The following STK3 variants were observed in gnomAD, a reference collection of about 807,000 sequenced individuals.
STK3 encodes the protein serine/threonine-protein kinase 3.
Under a neutral mutation model 58.0 loss-of-function variants are expected in STK3, and 41 were observed. That is an observed-to-expected ratio of 0.71 (90% CI 0.55 to 0.92). STK3 has a LOEUF of 0.92. STK3 is among the 40% of genes least tolerant of loss of function. The pLI is 0.00. For synonymous variants in STK3, 170 were observed against 191.0 expected, an observed-to-expected ratio of 0.89 and a Z score of 0.91; for missense variants, 479 against 602.7, an observed-to-expected ratio of 0.79 and a Z score of 2.15.
intron 4 of STK3, among the ~76,000 whole-genome samples, chr8:98,743,878 C>G (rs1389287312): frequency 2.0e-5 from 3 of 152,076 alleles, no homozygotes; most frequent in Non-Finnish European, 1.5e-5. Flanking sequence ...TGAACTCAAA[C>G]AAATTTACAA....
intron 6 of STK3, among the ~76,000 whole-genome samples, chr8:98,653,046 A>G (rs1015227094): frequency 6.6e-6 from 1 of 152,164 alleles, no homozygotes; most frequent in African/African-American, 2.4e-5. Context: ...TCAGCACCAC[A>G]CCACACCTAT....
chr8:98,747,245 A>T (rs1427410442), intron 4 of STK3, among the ~76,000 whole-genome samples: 2 of 152,198 alleles, frequency 1.3e-5, no homozygotes, highest in African/African-American at 4.8e-5. Context: ...ATACAAAATA[A>T]GAATAACAAT....
chr8:98,378,458 G>A (rs1183139655), intron 2 of STK3, among the ~76,000 whole-genome samples: 1 of 152,202 alleles, frequency 6.6e-6, no homozygotes, highest in East Asian at 1.9e-4. Context: ...TACTGTAACT[G>A]TGCTGCTTAC....
intron 3 of STK3, chr8:98,413,263 C>T: frequency 5.3e-6 from 2 of 375,214 alleles, no homozygotes; most frequent in South Asian, 4.4e-5. Context: ...GATCCACCTG[C>T]CTTGGCTTCC....
chr8:98,510,379 T>A (rs1421199349), intron 10 of STK3, among the ~76,000 whole-genome samples: 1 of 152,006 alleles, frequency 6.6e-6, no homozygotes, highest in East Asian at 1.9e-4. Flanking sequence ...TTACAAAATT[T>A]TTACCAGGCC....
intron 4 of STK3, among the ~76,000 whole-genome samples, chr8:98,720,750 CAAAAAAAAAAAAAA>C (rs35529460): frequency 1.1e-5 from 1 of 94,770 alleles, no homozygotes; most frequent in African/African-American, 4.0e-5. Flanking sequence ...GACTCCGTCT[CAAAAAAAAAAAAAA>C]AAAAAGAAAA....
chr8:98,415,648 T>C (rs1818107235), intron 3 of STK3, among the ~76,000 whole-genome samples: 1 of 152,188 alleles, frequency 6.6e-6, no homozygotes, highest in Non-Finnish European at 1.5e-5. Context: ...TACCCTGAAA[T>C]GTGGGTAAAT....
At chr8:98,683,456 T>C (rs1363373573) in intron 6 of STK3, among the ~76,000 whole-genome samples, 4 of 152,026 alleles carry the variant, frequency 2.6e-5, no homozygotes, top group Non-Finnish European at 5.9e-5. Flanking sequence ...AAGCACATAT[T>C]CAACAAAAAT....
intron 3 of STK3, among the ~76,000 whole-genome samples, chr8:98,852,169 C>T (rs556632937): frequency 2.1e-4 from 31 of 150,106 alleles, no homozygotes; most frequent in African/African-American, 7.1e-4. Context: ...CAGAGTTTTG[C>T]TCTTGTTGCC....
intron 4 of STK3, among the ~76,000 whole-genome samples, chr8:98,711,605 A>G (rs867207487): frequency 6.6e-6 from 1 of 152,326 alleles, no homozygotes; most frequent in Middle Eastern, 3.4e-3. Flanking sequence ...AAAGAAATGA[A>G]CAAAGCCTCC....
upstream of STK3, among the ~76,000 whole-genome samples, chr8:98,389,115 T>C (rs1382316373): frequency 6.6e-6 from 1 of 152,228 alleles, no homozygotes; most frequent in Non-Finnish European, 1.5e-5. Context: ...CTGCCTTTGT[T>C]CAAGTGATTT....
chr8:98,858,258 T>C (rs936747481), intron 3 of STK3, among the ~76,000 whole-genome samples: 2 of 137,572 alleles, frequency 1.5e-5, no homozygotes, highest in Non-Finnish European at 3.1e-5. Context: ...GGCATGCACC[T>C]ATAGTCCCAG....
At chr8:98,366,402 C>A (rs902840117), downstream of STK3, among the ~76,000 whole-genome samples, 1 of 152,016 alleles carries the variant, frequency 6.6e-6, no homozygotes, top group Non-Finnish European at 1.5e-5. Context: ...TTTTACTTTT[C>A]CAGAAGTTTA....
intron 6 of STK3, among the ~76,000 whole-genome samples, chr8:98,617,270 C>G (rs1817827589): frequency 6.9e-6 from 1 of 144,204 alleles, no homozygotes; most frequent in Admixed American, 7.0e-5. Flanking sequence ...CCAACGAGAA[C>G]AAAGACACAA....
chr8:98,498,873 G>C (rs942277545), intron 10 of STK3, among the ~76,000 whole-genome samples: 1 of 152,138 alleles, frequency 6.6e-6, no homozygotes, highest in Non-Finnish European at 1.5e-5. Context: ...ACCATGCAGT[G>C]AGCTGAATAA....
chr8:98,420,325 G>C (rs895642115), intron 3 of STK3, among the ~76,000 whole-genome samples: 5 of 152,116 alleles, frequency 3.3e-5, no homozygotes, highest in Admixed American at 2.6e-4. Context: ...TGATGTCCAA[G>C]TCACCCTTTT....
At chr8:98,578,687 A>G (rs1412543304) in intron 8 of STK3, among the ~76,000 whole-genome samples, 1 of 152,258 alleles carries the variant, frequency 6.6e-6, no homozygotes, top group Non-Finnish European at 1.5e-5. Flanking sequence ...ATGGGAGAAC[A>G]TACTGTTACG....
chr8:98,541,760 T>C (rs561833334), intron 9 of STK3, among the ~76,000 whole-genome samples: 233 of 152,332 alleles, frequency 1.5e-3, no homozygotes, highest in Admixed American at 4.2e-3. Flanking sequence ...CCTAATATCC[T>C]AAGATACAAT....
Position 98,544,649 on chromosome 8 carries a change from A to AACACAC in STK3, c.1141+3314_1141+3319dup, listed in dbSNP as rs59159370. 8.1e-3 allele frequency among the ~76,000 whole-genome samples: 1,120 copies of AACACAC among 137,590 alleles called. 10 individuals are homozygous for AACACAC. The highest frequency in any genetic ancestry group is 0.019 in the African/African-American group (725 of 37,232). 90.3% of individuals were successfully genotyped at this position (137,590 alleles called of 152,430 possible). On this transcript the variant is annotated intron_variant, in intron 9 of 10. Transcript: ENST00000419617. Reference sequence around the variant, plus strand: ...AGCTATGTATCTTTAATTCTACTATAACACACACACACACACACACACACA... The same window carrying AACACAC: ...AGCTATGTATCTTTAATTCTACTATAACACACACACACACACACACACACACACACA...
Sources: gnomAD v4.1 joint callset for allele counts (sites outside exome capture counted in the v4.1 genomes callset) on GRCh38, gnomAD v4.1.1 for gene constraint, MANE v1.5 for transcripts, NCBI Gene and HGNC (gene_info 2026-07-23, HGNC 2026-07-21) for gene names.